The following DPH6 variants were observed in gnomAD, a reference collection of about 807,000 sequenced individuals.
DPH6 encodes the protein diphthine--ammonia ligase.
Under a neutral mutation model 38.2 loss-of-function variants are expected in DPH6, and 33 were observed. That is an observed-to-expected ratio of 0.86 (90% CI 0.65 to 1.15). The LOEUF is 1.15. DPH6 is among the 50% of genes most tolerant of loss of function. The pLI is 0.00. For missense variants in DPH6, 325 were observed against 320.0 expected (o/e 1.02, Z -0.12); for synonymous variants, 108 against 103.0 (o/e 1.05, Z -0.30).
At chr15:35,232,774 T>C (rs144589415) in intron 3 of DPH6, among the ~76,000 whole-genome samples, 25 of 152,270 alleles carry the variant, frequency 1.6e-4, no homozygotes, top group African/African-American at 6.0e-4. Flanking sequence ...AGGAGTATGG[T>C]ATAACATTTT....
chr15:35,368,018 T>G (rs2052675592), downstream of DPH6, among the ~76,000 whole-genome samples: 1 of 151,836 alleles, frequency 6.6e-6, no homozygotes, highest in African/African-American at 2.4e-5. Context: ...TTTATGAAGA[T>G]GAAAATGGAA....
intron 3 of DPH6, among the ~76,000 whole-genome samples, chr15:35,319,004 A>G (rs1322347811): frequency 6.6e-6 from 1 of 152,176 alleles, no homozygotes; most frequent in African/African-American, 2.4e-5. Context: ...GGTTGCCACA[A>G]AAACAAAGAA....
At chr15:35,475,501 G>A (rs1240590890) in intron 3 of DPH6, among the ~76,000 whole-genome samples, 9 of 151,812 alleles carry the variant, frequency 5.9e-5, no homozygotes, top group African/African-American at 7.2e-5. Context: ...CCAACTATCC[G>A]GTGACCATTA....
chr15:35,445,466 TG>T (rs1408147952), intron 5 of DPH6, among the ~76,000 whole-genome samples: 2 of 150,820 alleles, frequency 1.3e-5, no homozygotes, highest in Non-Finnish European at 3.0e-5. Flanking sequence ...ATGAACTGCC[TG>T]GATCCACTTA....
chr15:35,259,771 C>A (rs1231833074), intron 3 of DPH6, among the ~76,000 whole-genome samples: 1 of 152,180 alleles, frequency 6.6e-6, no homozygotes, highest in Non-Finnish European at 1.5e-5. Flanking sequence ...AGTTGCTTTC[C>A]TGAAAACTTA....
At chr15:35,352,275 ACTC>A (rs1034177788) in intron 3 of DPH6, among the ~76,000 whole-genome samples, 31 of 151,408 alleles carry the variant, frequency 2.0e-4, no homozygotes, top group African/African-American at 7.3e-4. Flanking sequence ...GTGATAATGA[ACTC>A]CTTCAATTTT....
intron 3 of DPH6, among the ~76,000 whole-genome samples, chr15:35,287,419 G>T (rs893656373): frequency 6.6e-6 from 1 of 152,150 alleles, no homozygotes; most frequent in Non-Finnish European, 1.5e-5. Flanking sequence ...TCATGTTACA[G>T]AACTCAATAA....
At chr15:35,201,475 C>T in the DPH6 span, among the ~76,000 whole-genome samples, 1 of 151,788 alleles carries the variant, frequency 6.6e-6, no homozygotes, top group Non-Finnish European at 1.5e-5. Context: ...GAATGCTAAC[C>T]ATTTAAAAAG....
chr15:35,208,355 G>A, the DPH6 span, among the ~76,000 whole-genome samples: 1 of 152,166 alleles, frequency 6.6e-6, no homozygotes, highest in Non-Finnish European at 1.5e-5. Flanking sequence ...GACCCCAGGA[G>A]TTATGGGAAA....
Position 35,401,650 on chromosome 15 carries a change from G to C in DPH6, c.567+9185C>G, listed in dbSNP as rs774550195. ...GGAACCATGAAGGTAGGAAACTTTGGAGGCAGAAACTCTGGCTCCTATGGT... is the reference window on the plus strand; with the variant it reads ...GGAACCATGAAGGTAGGAAACTTTGCAGGCAGAAACTCTGGCTCCTATGGT... On this transcript the variant is annotated intron_variant, in intron 6 of 8. Coordinates refer to ENST00000256538, the MANE Select transcript of DPH6 (RefSeq NM_080650.4). The C allele has an allele frequency of 2.1e-4, 158 of 752,414 alleles. 1 individual carries two copies. The highest frequency in any genetic ancestry group is 3.5e-4 in the Non-Finnish European group (142 of 409,304). 46.6% of individuals were successfully genotyped at this position (752,414 alleles called of 1,614,324 possible). A position where few individuals can be genotyped will look rare whatever the true frequency, so the allele number is the denominator to read the frequency against.
Position 35,371,455 on chromosome 15 carries a change from T to C in DPH6, c.*695A>G. 2.2e-6 allele frequency: 1 copy of C among 449,214 alleles called. No individual in the cohort carries two copies. The highest frequency in any genetic ancestry group is 2.9e-6 in the Non-Finnish European group (1 of 340,464). The allele number at this position is 449,214 out of a possible 1,614,324, so 27.8% of individuals were successfully genotyped here. A position where few individuals can be genotyped will look rare whatever the true frequency, so the allele number is the denominator to read the frequency against. ...AGGGGAGGCTGTGAATGTGTGGAGG[T>C]AGAGGGTATATGGGAAATCTCTGCA... On this transcript the variant is annotated 3_prime_UTR_variant, in exon 9 of 9. Coordinates refer to ENST00000256538, the MANE Select transcript of DPH6 (RefSeq NM_080650.4).
In DPH6 at chr15:35,240,252, G is replaced by T. The variant is rs2051588066; in HGVS notation, n.201-19670C>A. Among the ~76,000 whole-genome samples, 3 of 143,150 alleles carry T rather than the reference G, an allele frequency of 2.1e-5. 1 individual carries two copies. In the East Asian group the frequency reaches 6.5e-4, roughly 31 times the overall value. 93.9% of individuals were successfully genotyped at this position (143,150 alleles called of 152,430 possible). A position where few individuals can be genotyped will look rare whatever the true frequency, so the allele number is the denominator to read the frequency against. On this transcript the variant is annotated intron_variant and non_coding_transcript_variant, in intron 3 of 3. Coordinates refer to the DPH6 transcript ENST00000560386. ...ATCCTACAAGATCTAAATAATTCTTGTCCTAAAATGGGCAAATGGTCTGAG... is the reference window on the plus strand; with the variant it reads ...ATCCTACAAGATCTAAATAATTCTTTTCCTAAAATGGGCAAATGGTCTGAG...
chr15:35,398,595 C>T (rs113497063), intron 6 of DPH6, among the ~76,000 whole-genome samples: 29 of 152,342 alleles, frequency 1.9e-4, no homozygotes, highest in Middle Eastern at 3.4e-3. Context: ...CTGCATCTGG[C>T]TGTTCATCTG....
the DPH6 span, among the ~76,000 whole-genome samples, chr15:35,204,889 G>A: frequency 6.6e-6 from 1 of 151,940 alleles, no homozygotes; most frequent in African/African-American, 2.4e-5. Flanking sequence ...GTTTGTGTCT[G>A]TCTGCATTTT....
intron 6 of DPH6, among the ~76,000 whole-genome samples, chr15:35,395,591 A>G (rs2053121177): frequency 6.6e-6 from 1 of 152,130 alleles, no homozygotes; most frequent in Non-Finnish European, 1.5e-5. Context: ...GTCTTCATTC[A>G]TATTGATTCA....
intron 3 of DPH6, among the ~76,000 whole-genome samples, chr15:35,229,682 G>C (rs1344158226): frequency 3.9e-5 from 6 of 152,074 alleles, no homozygotes; most frequent in South Asian, 4.1e-4. Context: ...TGTATCCATA[G>C]TTCTTTAGAA....
chr15:35,527,262 A>G (rs144265161), intron 3 of DPH6, among the ~76,000 whole-genome samples: 1 of 152,278 alleles, frequency 6.6e-6, no homozygotes, highest in East Asian at 1.9e-4. Flanking sequence ...TAAAATGAGG[A>G]TGACAGGCTC....
At chr15:35,298,749 C>T (rs755379455) in intron 3 of DPH6, 87 of 1,531,550 alleles carry the variant, frequency 5.7e-5, no homozygotes, top group Non-Finnish European at 7.5e-5. Context: ...ACCGTGCCCC[C>T]CAAGTTAGCG....
At chr15:35,536,448 C>T (rs2055170893) in intron 3 of DPH6, among the ~76,000 whole-genome samples, 1 of 151,944 alleles carries the variant, frequency 6.6e-6, no homozygotes, top group African/African-American at 2.4e-5. Context: ...TTAACATTAG[C>T]ATTAATTTAT....
Sources: allele counts gnomAD v4.1 joint callset (sites outside exome capture counted in the v4.1 genomes callset), GRCh38; gene constraint gnomAD v4.1.1; transcripts MANE v1.5; gene names NCBI Gene and HGNC (gene_info 2026-07-23, HGNC 2026-07-21).